CYP2C19: variants seen among roughly 807,000 people sequenced by gnomAD.
CYP2C19 encodes the protein cytochrome P450 2C19.
In CYP2C19, 59 loss-of-function variants were observed where a neutral mutation model predicts 40.9. That is an observed-to-expected ratio of 1.44 (90% CI 1.17 to 1.79). The LOEUF (loss-of-function observed/expected upper bound fraction) is 1.79. CYP2C19 is among the 40% of genes most tolerant of loss of function. The pLI is 0.00. For synonymous variants in CYP2C19, 253 were observed against 208.7 expected (o/e 1.21, Z -1.83); for missense variants, 754 against 596.9 (o/e 1.26, Z -2.74).
At chr10:94,851,718 G>A (rs1454741548) in intron 8 of CYP2C19, among the ~76,000 whole-genome samples, 1 of 152,030 alleles carries the variant, frequency 6.6e-6, no homozygotes, top group African/African-American at 2.4e-5. Flanking sequence ...CACAAAAAAA[G>A]CAAAAGGGGA....
intron 5 of CYP2C19, among the ~76,000 whole-genome samples, chr10:94,801,219 T>G (rs941808362): frequency 4.6e-5 from 7 of 152,246 alleles, no homozygotes; most frequent in African/African-American, 1.7e-4. Context: ...TGCTTTCTCT[T>G]GTGGACATTT....
intron 5 of CYP2C19, among the ~76,000 whole-genome samples, chr10:94,814,930 ACT>A (rs1230844357): frequency 7.1e-6 from 1 of 140,346 alleles, no homozygotes; most frequent in African/African-American, 2.7e-5. Flanking sequence ...AAGGTCTATG[ACT>A]CTAGCACACC....
At chr10:94,844,398 C>T (rs908293060) in intron 7 of CYP2C19, among the ~76,000 whole-genome samples, 1 of 152,108 alleles carries the variant, frequency 6.6e-6, no homozygotes, top group African/African-American at 2.4e-5. Flanking sequence ...TCAGTGTTAG[C>T]TTAGCTCTCT....
intron 5 of CYP2C19, among the ~76,000 whole-genome samples, chr10:94,817,652 C>A (rs1430121732): frequency 6.7e-6 from 1 of 149,436 alleles, no homozygotes; most frequent in Admixed American, 6.7e-5. Flanking sequence ...GAAGTTCTTG[C>A]CCATGCCTAT....
At chr10:94,846,310 T>A (rs1050519541) in intron 7 of CYP2C19, among the ~76,000 whole-genome samples, 1 of 152,196 alleles carries the variant, frequency 6.6e-6, no homozygotes, top group African/African-American at 2.4e-5. Flanking sequence ...AGATATTATA[T>A]TCCAGTTATG....
chr10:94,770,625 A>T (rs1848315712), intron 1 of CYP2C19, among the ~76,000 whole-genome samples: 2 of 152,086 alleles, frequency 1.3e-5, no homozygotes, highest in African/African-American at 4.8e-5. Context: ...GTAAAAACTT[A>T]TCTTTTAGGA....
At chr10:94,851,979 G>T (rs1385698413) in intron 8 of CYP2C19, among the ~76,000 whole-genome samples, 2 of 152,186 alleles carry the variant, frequency 1.3e-5, no homozygotes, top group Admixed American at 6.5e-5. Flanking sequence ...AGTAAAAAAG[G>T]AGATAAAATT....
chr10:94,818,625 C>G (rs1174494104), intron 5 of CYP2C19, among the ~76,000 whole-genome samples: 1 of 145,966 alleles, frequency 6.9e-6, no homozygotes, highest in Non-Finnish European at 1.5e-5. Flanking sequence ...AAGTTGGATT[C>G]CTAGGTATTT....
At position 94,774,840 on chromosome 10, in the gene CYP2C19, T is replaced by C. The variant is rs17878937; in HGVS notation, c.169-218T>C. 312 of 567,126 alleles carry C rather than the reference T, an allele frequency of 5.5e-4. 3 individuals are homozygous for C. The highest frequency in any genetic ancestry group is 3.7e-3 in the South Asian group (167 of 45,642). 35.1% of individuals were successfully genotyped at this position (567,126 alleles called of 1,614,324 possible). On this transcript the variant is annotated intron_variant, in intron 1 of 8. Coordinates refer to ENST00000371321, the MANE Select transcript of CYP2C19 (RefSeq NM_000769.4). The stretch of plus-strand genomic sequence containing the variant: ...GTTGGTGTGAGGGTTAATTGTAATC[T>C]GTGTAGCAATTGTCTGACCATTGCC...
intron 6 of CYP2C19, among the ~76,000 whole-genome samples, chr10:94,830,489 A>G (rs1222659403): frequency 3.3e-5 from 5 of 152,196 alleles, no homozygotes; most frequent in African/African-American, 1.2e-4. Flanking sequence ...TTCCCAAGTG[A>G]GGCAATGCCT....
chr10:94,778,513 A>G (rs1158727115), intron 3 of CYP2C19, among the ~76,000 whole-genome samples: 1 of 152,200 alleles, frequency 6.6e-6, no homozygotes, highest in Non-Finnish European at 1.5e-5. Flanking sequence ...CAAACATATG[A>G]AAAAAAGCTC....
chr10:94,787,592 T>C (rs1323156733), intron 5 of CYP2C19, among the ~76,000 whole-genome samples: 1 of 152,142 alleles, frequency 6.6e-6, no homozygotes, highest in Non-Finnish European at 1.5e-5. Context: ...CAGAATGGTA[T>C]TACATATATT....
intron 6 of CYP2C19, among the ~76,000 whole-genome samples, chr10:94,829,090 C>G (rs955522662): frequency 6.6e-6 from 1 of 152,126 alleles, no homozygotes; most frequent in African/African-American, 2.4e-5. Flanking sequence ...TCTGGCTGCC[C>G]TTAACATTTT....
chr10:94,794,883 A>G (rs1202523402), intron 5 of CYP2C19, among the ~76,000 whole-genome samples: 2 of 152,170 alleles, frequency 1.3e-5, no homozygotes, highest in South Asian at 2.1e-4. Flanking sequence ...TCCTAATTGA[A>G]TACCCTTTAT....
intron 5 of CYP2C19, 126 bp from the exon 6 acceptor site, chr10:94,820,370 T>A: frequency 2.7e-6 from 3 of 1,108,828 alleles, no homozygotes; most frequent in East Asian, 2.5e-5. Flanking sequence ...TATTCAATAT[T>A]TTTTTCTAGT....
rs774654016 is a variant in CYP2C19 at position 94,781,947 on chromosome 10, A to T, written c.769A>T (p.Ile257Phe). The change falls in exon 5 of 9, where the codon ATC (isoleucine) becomes TTC (phenylalanine). Residue 257 changes from isoleucine to phenylalanine, a missense_variant. Transcript: ENST00000371321. ...KVKEHQESMD[I>F]NNPRDFIDCF... is the part of the protein sequence containing the mutation. ...AAAAGAACACCAAGAATCGATGGACATCAACAACCCTCGGGACTTTATTGA... is the reference window on the plus strand; with the variant it reads ...AAAAGAACACCAAGAATCGATGGACTTCAACAACCCTCGGGACTTTATTGA... The T allele has an allele frequency of 5.9e-6, 9 of 1,520,174 alleles. 1 individual carries two copies. The South Asian group carries it at 1.2e-4, about 21-fold the overall frequency. The allele number at this position is 1,520,174 out of a possible 1,614,324, so 94.2% of individuals were successfully genotyped here.
rs1848387986 is a variant in CYP2C19, at chr10:94,775,076, C to A, written c.187C>A (p.Pro63Thr). Residue 63 changes from proline to threonine, a missense_variant, in exon 2 of 9, where the codon CCT becomes ACT. Transcript: ENST00000371321. ...TTTCTAGCTCTCAAAAATCTATGGC[C>A]CTGTGTTCACTCTGTATTTTGGCCT... ...SLTNLSKIYG[P>T]VFTLYFGLER... 6.2e-7 allele frequency: 1 copy of A among 1,613,908 alleles called. No homozygotes were observed. The highest frequency in any genetic ancestry group is 8.5e-7 in the Non-Finnish European group (1 of 1,180,012).
In CYP2C19 at chr10:94,796,730, C is replaced by G. The variant is rs1564667898; in HGVS notation, c.819+14733C>G. Among the ~76,000 whole-genome samples the G allele has an allele frequency of 3.3e-5, 5 of 152,228 alleles. No individual in the cohort carries two copies. The South Asian group carries it at 1.0e-3, about 32-fold the overall frequency. On this transcript the variant is annotated intron_variant, in intron 5 of 8. Coordinates refer to ENST00000371321, the MANE Select transcript of CYP2C19 (RefSeq NM_000769.4). ...CTTAACATCACTCCTAAGTTGGATTCTTAGGTATTTTACTCTCTTTGAAGC... is the reference window on the plus strand; with the variant it reads ...CTTAACATCACTCCTAAGTTGGATTGTTAGGTATTTTACTCTCTTTGAAGC...
At chr10:94,773,116 A>G (rs560441948) in intron 1 of CYP2C19, among the ~76,000 whole-genome samples, 2 of 152,306 alleles carry the variant, frequency 1.3e-5, no homozygotes, top group South Asian at 4.1e-4. Context: ...GGTGCCCAGT[A>G]TTTAGCCCCT....
Sources: gnomAD v4.1 joint callset for allele counts (sites outside exome capture counted in the v4.1 genomes callset) on GRCh38, gnomAD v4.1.1 for gene constraint, MANE v1.5 for transcripts, NCBI Gene and HGNC (gene_info 2026-07-23, HGNC 2026-07-21) for gene names.